Variants in PLIN1 observed in about 807,000 individuals in gnomAD.
The protein encoded by PLIN1 is perilipin-1.
Under a neutral mutation model 45.8 loss-of-function variants are expected in PLIN1, and 37 were observed. The observed-to-expected ratio is 0.81, with a 90% CI of 0.62 to 1.06. The LOEUF is 1.06. Ranked by LOEUF, PLIN1 falls within the 50% of genes least tolerant of loss-of-function variation. The probability of loss-of-function intolerance (pLI) is 0.00; values close to 1 mark genes in which losing one functional copy is unlikely to be tolerated. For synonymous variants in PLIN1, 340 were observed against 309.2 expected (o/e 1.10, Z -1.05); for missense variants, 776 against 716.5 (o/e 1.08, Z -0.95).
chr15:89,673,693 A>G (rs1023923969), intron 2 of PLIN1, among the ~76,000 whole-genome samples: 2 of 152,124 alleles, frequency 1.3e-5, no homozygotes, highest in African/African-American at 4.8e-5. Context: ...GTCAGATCCC[A>G]TCACTCCCAC....
intron 3 of PLIN1, among the ~76,000 whole-genome samples, chr15:89,672,664 G>A (rs1943474913): frequency 6.6e-6 from 1 of 152,216 alleles, no homozygotes; most frequent in South Asian, 2.1e-4. Context: ...TTTGAGTGGT[G>A]CACATCTGGT....
At chr15:89,668,391 G>C (rs956647924) in intron 6 of PLIN1, among the ~76,000 whole-genome samples, 9 of 152,010 alleles carry the variant, frequency 5.9e-5, no homozygotes, top group Non-Finnish European at 2.9e-5. Context: ...TTTTTCACTT[G>C]TCTTGGGAGA....
chr15:89,671,588 G>A (rs748992912), intron 3 of PLIN1, 24 bp from the exon 4 acceptor site: 1 of 1,515,266 alleles, frequency 6.6e-7, no homozygotes, highest in Non-Finnish European at 9.0e-7. Flanking sequence ...GCCAAGTTTG[G>A]GTGAGCCCTG....
At chr15:89,672,732 AC>A (rs1308468533) in intron 3 of PLIN1, among the ~76,000 whole-genome samples, 1 of 151,778 alleles carries the variant, frequency 6.6e-6, no homozygotes, top group East Asian at 1.9e-4. Context: ...GCTCTCTGCC[AC>A]CCCCACCCGT....
chr15:89,677,819 CG>C, intron 1 of PLIN1: 1 of 284,916 alleles, frequency 3.5e-6, no homozygotes. Context: ...TGCACAATCT[CG>C]GCTCACTACA....
intron 1 of PLIN1, among the ~76,000 whole-genome samples, chr15:89,678,084 G>T (rs1277653621): frequency 6.6e-6 from 1 of 151,512 alleles, no homozygotes; most frequent in Non-Finnish European, 1.5e-5. Flanking sequence ...GTAGAGATGG[G>T]GTTTCATCAT....
chr15:89,672,468 T>C (rs1357234226), intron 3 of PLIN1, among the ~76,000 whole-genome samples: 1 of 152,240 alleles, frequency 6.6e-6, no homozygotes, highest in African/African-American at 2.4e-5. Flanking sequence ...TTTAAGGAGA[T>C]TGTAGCCAGG....
intron 3 of PLIN1, among the ~76,000 whole-genome samples, chr15:89,672,620 C>T (rs1185884959): frequency 6.6e-6 from 1 of 152,210 alleles, no homozygotes; most frequent in Non-Finnish European, 1.5e-5. Flanking sequence ...CTGTGTATGC[C>T]TTGGAGACCA....
chr15:89,665,913 C>A lies in PLIN1; in HGVS notation c.1239G>T (p.Glu413Asp). Reference protein sequence around the residue: ...PLPRLSLMEPESEFRDIDNPP... With the variant: ...PLPRLSLMEPDSEFRDIDNPP... The stretch of plus-strand genomic sequence containing the variant: ...GGTTGTCGATGTCCCGGAATTCGCT[C>A]TCGGGCTCCATCAGCGACAGCCTGG... Residue 413 changes from glutamate to aspartate, a missense_variant, in exon 9 of 9, where the codon GAG becomes GAT. Coordinates refer to ENST00000300055, the MANE Select transcript of PLIN1 (RefSeq NM_002666.5). The A allele has an allele frequency of 6.5e-7, 1 of 1,535,626 alleles. No homozygotes were observed. Among genetic ancestry groups the A allele is most frequent in the Non-Finnish European group, 8.7e-7 (1 of 1,150,036 alleles).
intron 2 of PLIN1, 150 bp downstream of exon 2, chr15:89,677,295 G>A: frequency 1.3e-6 from 1 of 758,994 alleles, no homozygotes; most frequent in Non-Finnish European, 2.4e-6. Flanking sequence ...AAAAGGTGGT[G>A]AGGGCAAGAA....
At chr15:89,668,916 C>T (rs1964393743) in intron 6 of PLIN1, among the ~76,000 whole-genome samples, 1 of 152,130 alleles carries the variant, frequency 6.6e-6, no homozygotes, top group Non-Finnish European at 1.5e-5. Flanking sequence ...GCCTTAGTTT[C>T]TTACTAAAAT....
In PLIN1 at chr15:89,677,496, T is replaced by C. The variant is rs1016442772; in HGVS notation, c.-7A>G. ...GGCCTTTGTTGACTGCCATCCTCGCTCCTCAAGCTGCAAAACAGAGTCCCA... is the reference window on the plus strand; with the variant it reads ...GGCCTTTGTTGACTGCCATCCTCGCCCCTCAAGCTGCAAAACAGAGTCCCA... On this transcript the variant is annotated 5_prime_UTR_variant, in exon 2 of 9. Transcript: ENST00000300055. The C allele has an allele frequency of 6.2e-7, 1 of 1,613,992 alleles. No homozygotes were observed. The highest frequency in any genetic ancestry group is 8.5e-7 in the Non-Finnish European group (1 of 1,179,876).
At chr15:89,676,147 CCTGTT>C (rs1296786121) in intron 2 of PLIN1, among the ~76,000 whole-genome samples, 2 of 152,248 alleles carry the variant, frequency 1.3e-5, no homozygotes, top group South Asian at 2.1e-4. Flanking sequence ...GAAGACCTGA[CCTGTT>C]CTGTTAGTAG....
chr15:89,667,741 C>T lies in PLIN1; in HGVS notation c.824G>A (p.Arg275Gln), dbSNP rs140356593. ...CCAGGGTACCCGCACTTCGCTCCTC[C>T]GCCGGGACACCGCCTGCATGGCCAC... ...ASVAMQAVSRRRSEVRVPWLH... is the reference protein window; with the variant it reads ...ASVAMQAVSRQRSEVRVPWLH... Residue 275 changes from arginine to glutamine, a missense_variant, in exon 7 of 9, where the codon CGG (arginine) becomes CAG (glutamine). By Grantham distance (43) the Arg-to-Gln change is conservative. Transcript: ENST00000300055. The T allele has an allele frequency of 2.3e-5, 36 of 1,567,346 alleles. No homozygotes were observed. Among genetic ancestry groups the T allele is most frequent in the Admixed American group, 7.7e-5 (4 of 51,974 alleles).
chr15:89,677,364 G>C, intron 2 of PLIN1, 81 bp downstream of exon 2: 1 of 1,098,180 alleles, frequency 9.1e-7, no homozygotes, highest in African/African-American at 1.5e-5. Flanking sequence ...CTTGCTCTAA[G>C]TCCCCTGCAT....
At position 89,665,634 on chromosome 15, in the gene PLIN1, C is replaced by T; in HGVS notation, c.1518G>A (p.Met506Ile). The change falls in exon 9 of 9, where the codon ATG becomes ATA. Residue 506 changes from methionine to isoleucine, a missense_variant. By Grantham distance (10) the Met-to-Ile change is conservative. Coordinates refer to ENST00000300055, the MANE Select transcript of PLIN1 (RefSeq NM_002666.5). ...VSDSFFRPSV[M>I]EPILGRTHYS... Reference sequence around the variant, plus strand: ...AATGCGTGCGGCCCAGGATGGGCTCCATGACGCTGGGCCGGAAGAAGCTGT... The same window carrying T: ...AATGCGTGCGGCCCAGGATGGGCTCTATGACGCTGGGCCGGAAGAAGCTGT... 5 of 1,511,728 alleles carry T rather than the reference C, an allele frequency of 3.3e-6. No homozygotes were observed. The highest frequency in any genetic ancestry group is 4.4e-6 in the Non-Finnish European group (5 of 1,132,098). The allele number at this position is 1,511,728 out of a possible 1,614,324, so 93.6% of individuals were successfully genotyped here.
chr15:89,665,946 AG>A lies in PLIN1; in HGVS notation c.1210-5del. On this transcript the variant is annotated splice_polypyrimidine_tract_variant and splice_region_variant and intron_variant, in intron 8 of 8. Transcript: ENST00000300055. ...CCATCAGCGACAGCCTGGGGAGCTGAGGGCCCGGCAGCCGCCTTAGAGTCCT... is the reference window on the plus strand; with the variant it reads ...CCATCAGCGACAGCCTGGGGAGCTGAGGCCCGGCAGCCGCCTTAGAGTCCT... 1 of 1,494,196 alleles carries A rather than the reference AG, an allele frequency of 6.7e-7. No homozygotes were observed. The highest frequency in any genetic ancestry group is 8.9e-7 in the Non-Finnish European group (1 of 1,125,022). 92.6% of individuals were successfully genotyped at this position (1,494,196 alleles called of 1,614,324 possible).
chr15:89,665,005 C>T lies in PLIN1; in HGVS notation c.*578G>A, dbSNP rs1964308745. On this transcript the variant is annotated 3_prime_UTR_variant, in exon 9 of 9. Coordinates refer to ENST00000300055, the MANE Select transcript of PLIN1 (RefSeq NM_002666.5). Reference sequence around the variant, plus strand: ...GAAGCGGCGGGTACTCAGAAAGTGACACTAGTATTTTAAATAAACACCCAA... The same window carrying T: ...GAAGCGGCGGGTACTCAGAAAGTGATACTAGTATTTTAAATAAACACCCAA... The T allele has an allele frequency of 4.5e-6, 2 of 445,350 alleles. No individual in the cohort carries two copies. The highest frequency in any genetic ancestry group is 2.0e-5 in the African/African-American group (1 of 49,634). 27.6% of individuals were successfully genotyped at this position (445,350 alleles called of 1,614,324 possible).
chr15:89,666,930 A>G lies in PLIN1; in HGVS notation c.1209+6T>C, dbSNP rs757514141. On this transcript the variant is annotated splice_donor_region_variant and intron_variant, in intron 8 of 8. Transcript: ENST00000300055. ...ACACTAACAGTTTGCCAGGGGTGGTACTCACCGGCACGTAATGCACCACTG... is the reference window on the plus strand; with the variant it reads ...ACACTAACAGTTTGCCAGGGGTGGTGCTCACCGGCACGTAATGCACCACTG... 4.0e-5 allele frequency: 65 copies of G among 1,613,716 alleles called. No individual in the cohort carries two copies. Among genetic ancestry groups the G allele is most frequent in the Admixed American group, 8.3e-5 (5 of 59,958 alleles).
Sources: gnomAD v4.1 joint callset for allele counts (sites outside exome capture counted in the v4.1 genomes callset) on GRCh38, gnomAD v4.1.1 for gene constraint, MANE v1.5 for transcripts, NCBI Gene and HGNC (gene_info 2026-07-23, HGNC 2026-07-21) for gene names.